PLCL2: variants seen among roughly 807,000 people sequenced by gnomAD.
PLCL2 encodes the protein phospholipase C like 2, also known as inactive phospholipase C-like protein 2.
A neutral mutation model predicts 79.6 loss-of-function variants in PLCL2; 4 were observed. The ratio of observed to expected loss-of-function variants is 0.05; its 90% CI spans 0.02 to 0.11. The LOEUF (loss-of-function observed/expected upper bound fraction) is 0.11. Among genes scored for constraint, PLCL2 ranks in the 10% least tolerant of loss-of-function variants. PLCL2 has a pLI of 1.00. For synonymous variants in PLCL2, 484 were observed against 457.7 expected (o/e 1.06, Z -0.73); for missense variants, 895 against 1,291.0 (o/e 0.69, Z 4.70).
chr3:16,954,866 A>G (rs1327199079), intron 1 of PLCL2, among the ~76,000 whole-genome samples: 1 of 151,886 alleles, frequency 6.6e-6, no homozygotes, highest in Non-Finnish European at 1.5e-5. Flanking sequence ...CCACTTTTTG[A>G]TGGGGTTGTT....
intron 1 of PLCL2, among the ~76,000 whole-genome samples, chr3:16,986,178 C>T (rs1046857802): frequency 3.9e-5 from 6 of 152,018 alleles, no homozygotes; most frequent in Admixed American, 1.3e-4. Context: ...ATAGCTTTGT[C>T]GTTGTGGACA....
intron 1 of PLCL2, among the ~76,000 whole-genome samples, chr3:16,914,394 A>G (rs1289073949): frequency 6.6e-6 from 1 of 152,216 alleles, no homozygotes; most frequent in Non-Finnish European, 1.5e-5. Context: ...TTTCTAAAAG[A>G]AAGAAAGTTT....
chr3:16,926,741 C>T (rs897794929), intron 1 of PLCL2, among the ~76,000 whole-genome samples: 1 of 151,968 alleles, frequency 6.6e-6, no homozygotes, highest in African/African-American at 2.4e-5. Flanking sequence ...ACGCCATTCT[C>T]CTGCTTCAGC....
At chr3:16,946,220 A>G (rs551796228) in intron 1 of PLCL2, among the ~76,000 whole-genome samples, 2 of 152,264 alleles carry the variant, frequency 1.3e-5, no homozygotes, top group South Asian at 4.1e-4. Flanking sequence ...ATAGCGGGAA[A>G]TGAGAAGCAA....
At chr3:16,983,595 G>A (rs1193949313) in intron 1 of PLCL2, among the ~76,000 whole-genome samples, 2 of 152,092 alleles carry the variant, frequency 1.3e-5, no homozygotes, top group Admixed American at 6.5e-5. Flanking sequence ...ACTTGAACCC[G>A]GGAAGCGGAG....
intron 3 of PLCL2, among the ~76,000 whole-genome samples, chr3:17,023,831 C>G (rs1432528895): frequency 1.3e-5 from 2 of 152,158 alleles, no homozygotes; most frequent in Non-Finnish European, 2.9e-5. Flanking sequence ...ATAGTTGCTC[C>G]TCATCCAAGC....
chr3:16,961,994 G>T (rs888934277), intron 1 of PLCL2, among the ~76,000 whole-genome samples: 3 of 152,118 alleles, frequency 2.0e-5, no homozygotes, highest in Admixed American at 2.0e-4. Context: ...AGCTCCTGCC[G>T]GGAGGAATCT....
chr3:16,897,301 T>TA (rs762425409), intron 1 of PLCL2, among the ~76,000 whole-genome samples: 2,874 of 141,866 alleles, frequency 0.02, 77 homozygotes, highest in African/African-American at 0.065. Context: ...TTATGTCAAT[T>TA]AAAAAAAAAA....
chr3:17,080,177 C>T (rs954812904), intron 5 of PLCL2, among the ~76,000 whole-genome samples: 2 of 152,182 alleles, frequency 1.3e-5, no homozygotes, highest in South Asian at 2.1e-4. Flanking sequence ...GAAAACATCA[C>T]GCACTCTTAA....
intron 1 of PLCL2, among the ~76,000 whole-genome samples, chr3:16,967,718 T>C (rs1467603333): frequency 6.6e-6 from 1 of 152,132 alleles, no homozygotes; most frequent in Non-Finnish European, 1.5e-5. Context: ...AAGTTGTGTG[T>C]TTATTCTTTT....
At chr3:17,026,226 A>G (rs2064516002) in intron 3 of PLCL2, among the ~76,000 whole-genome samples, 2 of 152,244 alleles carry the variant, frequency 1.3e-5, no homozygotes, top group Non-Finnish European at 2.9e-5. Context: ...ATTCTGAGCC[A>G]TAAGAAAATT....
chr3:17,021,575 A>G (rs1266059473), intron 3 of PLCL2, among the ~76,000 whole-genome samples: 1 of 146,020 alleles, frequency 6.8e-6, no homozygotes, highest in African/African-American at 2.6e-5. Context: ...ACTGAGGAAC[A>G]CATATTCTTA....
Position 16,972,470 on chromosome 3 carries a change from T to G in PLCL2, c.328-37204T>G, listed in dbSNP as rs979857800. On this transcript the variant is annotated intron_variant, in intron 1 of 5. Transcript: ENST00000615277. ...CATGTGCAAATAAGAAGAATGTATA[T>G]TCTGTTGTTTTGGGGTGGAGAGTTC... Among the ~76,000 whole-genome samples the G allele has an allele frequency of 2.6e-4, 40 of 152,152 alleles. 1 individual carries two copies. The highest frequency in any genetic ancestry group is 1.3e-3 in the Admixed American group (20 of 15,264).
chr3:16,928,361 A>T (rs1697307338), intron 1 of PLCL2, among the ~76,000 whole-genome samples: 1 of 152,212 alleles, frequency 6.6e-6, no homozygotes, highest in East Asian at 1.9e-4. Context: ...AGGCAGTAGA[A>T]TGCCTACAGA....
chr3:17,048,057 C>T (rs1318263069), intron 4 of PLCL2, among the ~76,000 whole-genome samples: 1 of 150,978 alleles, frequency 6.6e-6, no homozygotes, highest in African/African-American at 2.4e-5. Context: ...GCCAGACCTA[C>T]ATGACCTGGA....
Position 16,927,823 on chromosome 3 carries a change from C to T in PLCL2, c.327+42457C>T, listed in dbSNP as rs138405877. 1.6e-3 allele frequency among the ~76,000 whole-genome samples: 244 copies of T among 152,258 alleles called. 1 individual carries two copies. Among genetic ancestry groups the T allele is most frequent in the Admixed American group, 4.3e-3 (66 of 15,292 alleles). Reference sequence around the variant, plus strand: ...TCATGTTGGAGGGGCTGGGATACTCCAGGAAAATATTCTGTTGTCAAATAA... The same window carrying T: ...TCATGTTGGAGGGGCTGGGATACTCTAGGAAAATATTCTGTTGTCAAATAA... On this transcript the variant is annotated intron_variant, in intron 1 of 5. Coordinates refer to ENST00000615277, the MANE Select transcript of PLCL2 (RefSeq NM_001144382.2).
rs2065260410 is a variant in PLCL2, at chr3:17,090,342, T to C, written c.*430T>C. On this transcript the variant is annotated 3_prime_UTR_variant, in exon 6 of 6. Coordinates refer to ENST00000615277, the MANE Select transcript of PLCL2 (RefSeq NM_001144382.2). ...GTTGCCAGAGTCTCTGGGTTCTAGA[T>C]GATTTTGGTGGCATGCTTGCTGAGC... 3.9e-6 allele frequency: 3 copies of C among 768,976 alleles called. No homozygotes were observed. In the South Asian group the frequency reaches 1.8e-4, roughly 46 times the overall value. 47.6% of individuals were successfully genotyped at this position (768,976 alleles called of 1,614,324 possible).
intron 1 of PLCL2, among the ~76,000 whole-genome samples, chr3:16,906,064 TA>T (rs879427108): frequency 1.7e-3 from 245 of 145,326 alleles, no homozygotes; most frequent in African/African-American, 5.6e-3. Context: ...CCTTCCTCCA[TA>T]AAAAAAAAAA....
rs1326567717 is a variant in PLCL2 at position 16,885,195 on chromosome 3, C to T, written c.156C>T (p.Gly52=). Residue 52 remains glycine, a synonymous_variant, in exon 1 of 6, where the codon GGC becomes GGT. Coordinates refer to ENST00000615277, the MANE Select transcript of PLCL2 (RefSeq NM_001144382.2). The part of the protein sequence containing the change: ...LGHGRARYDS[G]GVSNGDCSLG... ...ACGGGCGGGCGCGCTATGACAGCGGCGGGGTTTCCAACGGAGACTGCAGCC... is the reference window on the plus strand; with the variant it reads ...ACGGGCGGGCGCGCTATGACAGCGGTGGGGTTTCCAACGGAGACTGCAGCC... 9.7e-6 allele frequency: 6 copies of T among 616,858 alleles called. No individual in the cohort carries two copies. Among genetic ancestry groups the T allele is most frequent in the Admixed American group, 7.6e-5 (3 of 39,676 alleles). The allele number at this position is 616,858 out of a possible 1,614,324, so 38.2% of individuals were successfully genotyped here. A position where few individuals can be genotyped will look rare whatever the true frequency, so the allele number is the denominator to read the frequency against.
Sources: gnomAD v4.1 joint callset for allele counts (sites outside exome capture counted in the v4.1 genomes callset) on GRCh38, gnomAD v4.1.1 for gene constraint, MANE v1.5 for transcripts, NCBI Gene and HGNC (gene_info 2026-07-23, HGNC 2026-07-21) for gene names.